The following CASP5 variants were observed in gnomAD, a reference collection of about 807,000 sequenced individuals.
CASP5 encodes caspase-5.
CASP5 carries 42 observed loss-of-function variants against 45.2 expected under a neutral mutation model. The observed-to-expected ratio is 0.93, with a 90% CI of 0.73 to 1.20. The LOEUF is 1.20. Ranked by LOEUF, CASP5 falls within the 50% of genes most tolerant of loss-of-function variation. CASP5 has a pLI of 0.00. For synonymous variants in CASP5, 209 were observed against 186.2 expected (o/e 1.12, Z -1.00); for missense variants, 512 against 532.2 (o/e 0.96, Z 0.37).
chr11:105,021,470 AC>A (rs1862957514), intron 1 of CASP5, among the ~76,000 whole-genome samples: 1 of 149,620 alleles, frequency 6.7e-6, no homozygotes. Context: ...CAAGAAAAAA[AC>A]AAACAACCCC....
chr11:105,000,615 G>C (rs1454856673), intron 5 of CASP5, 120 bp from the exon 6 acceptor site: 26 of 863,640 alleles, frequency 3.0e-5, no homozygotes, highest in Non-Finnish European at 4.5e-5. Context: ...GCTTCACATA[G>C]CGCTTACTCA....
chr11:105,018,980 G>A (rs1273386109), intron 1 of CASP5, among the ~76,000 whole-genome samples: 4 of 149,584 alleles, frequency 2.7e-5, no homozygotes, highest in South Asian at 2.1e-4. Flanking sequence ...GCAATCAAAC[G>A]AGAACTCAGG....
chr11:105,000,521 A>G (rs1332588620), intron 5 of CASP5, 26 bp from the exon 6 acceptor site: 1 of 1,597,946 alleles, frequency 6.3e-7, no homozygotes, highest in South Asian at 1.1e-5. Flanking sequence ...GTCTAACTTC[A>G]GTCAGAGAAG....
rs369855593 is a variant in CASP5 at position 105,020,928 on chromosome 11, C to G, written c.7+2202G>C. Among the ~76,000 whole-genome samples the G allele has an allele frequency of 2.6e-5, 4 of 152,130 alleles. No individual in the cohort carries two copies. In the South Asian group the frequency reaches 8.3e-4, roughly 32 times the overall value. On this transcript the variant is annotated intron_variant, in intron 1 of 9. Transcript: ENST00000260315. ...AAACTATACTACAAAGCTACAGTAA[C>G]CAAAACAGCATGGTACTGGTACCAA...
chr11:105,011,606 A>C (rs1019491876), intron 1 of CASP5, among the ~76,000 whole-genome samples: 6 of 151,808 alleles, frequency 4.0e-5, no homozygotes, highest in Non-Finnish European at 5.9e-5. Context: ...AGTAAAGTTG[A>C]AGGATACAAA....
At chr11:105,015,207 T>G (rs1862528835) in intron 1 of CASP5, among the ~76,000 whole-genome samples, 1 of 152,146 alleles carries the variant, frequency 6.6e-6, no homozygotes, top group Non-Finnish European at 1.5e-5. Context: ...TCAACAGACA[T>G]TAGACCAAAA....
intron 3 of CASP5, 68 bp downstream of exon 3, chr11:105,007,015 G>C: frequency 7.6e-7 from 1 of 1,308,398 alleles, no homozygotes; most frequent in Non-Finnish European, 1.1e-6. Flanking sequence ...AGATAACACT[G>C]CATGGGCCTT....
At chr11:104,997,841 G>A (rs1268249278) in intron 7 of CASP5, among the ~76,000 whole-genome samples, 1 of 152,092 alleles carries the variant, frequency 6.6e-6, no homozygotes, top group Non-Finnish European at 1.5e-5. Flanking sequence ...TCAGAAGGAT[G>A]AATAAACTTT....
At chr11:105,009,714 T>TATACAC (rs1159309192) in intron 1 of CASP5, among the ~76,000 whole-genome samples, 3 of 71,462 alleles carry the variant, frequency 4.2e-5, no homozygotes, top group Non-Finnish European at 8.0e-5. Flanking sequence ...GATATATATA[T>TATACAC]ACACACATAT....
chr11:105,003,233 G>A, intron 4 of CASP5, 41 bp downstream of exon 4: 6 of 1,204,744 alleles, frequency 5.0e-6, no homozygotes, highest in Non-Finnish European at 7.3e-6. Context: ...GAAAGCAATT[G>A]TTTCTCTCTT....
chr11:105,012,499 AG>A lies in CASP5; in HGVS notation c.8-3520del, dbSNP rs1188504196. ...AGTGTGAAGAGATAACCAACAGAAT[AG>A]GAGTAAATATTTGAATCCATATGTC... On this transcript the variant is annotated intron_variant, in intron 1 of 9. Coordinates refer to ENST00000260315, the MANE Select transcript of CASP5 (RefSeq NM_004347.5). 9.9e-5 allele frequency among the ~76,000 whole-genome samples: 15 copies of A among 152,034 alleles called. No individual in the cohort carries two copies. In the East Asian group the frequency reaches 2.9e-3, roughly 29 times the overall value.
chr11:105,001,681 G>A (rs1304095575), intron 5 of CASP5, among the ~76,000 whole-genome samples: 4 of 152,214 alleles, frequency 2.6e-5, no homozygotes, highest in African/African-American at 7.2e-5. Context: ...AATAAAAATA[G>A]AGTGCCCTCC....
At chr11:104,996,718 G>C (rs1487288821) in intron 8 of CASP5, among the ~76,000 whole-genome samples, 1 of 152,050 alleles carries the variant, frequency 6.6e-6, no homozygotes, top group Non-Finnish European at 1.5e-5. Context: ...ATATTAGTGA[G>C]TAAATACAGG....
At chr11:104,997,617 T>G (rs2134689951) in intron 7 of CASP5, 125 bp from the exon 8 acceptor site, 1 of 544,520 alleles carries the variant, frequency 1.8e-6, no homozygotes, top group African/African-American at 1.9e-5. Context: ...TAACCAAACA[T>G]TTACTTAGGT....
intron 1 of CASP5, among the ~76,000 whole-genome samples, chr11:105,009,814 C>CGT (rs1555079490): frequency 1.1e-4 from 10 of 92,172 alleles, no homozygotes; most frequent in African/African-American, 6.0e-4. Flanking sequence ...TATACACACA[C>CGT]ATATATATAT....
At chr11:105,015,264 G>A (rs933172323) in intron 1 of CASP5, among the ~76,000 whole-genome samples, 3 of 152,128 alleles carry the variant, frequency 2.0e-5, no homozygotes, top group Non-Finnish European at 2.9e-5. Context: ...ACTATAAAAT[G>A]GCAATAATAG....
chr11:105,004,857 A>G (rs1400506911), intron 3 of CASP5, among the ~76,000 whole-genome samples: 1 of 152,058 alleles, frequency 6.6e-6, no homozygotes, highest in Non-Finnish European at 1.5e-5. Flanking sequence ...GAAGACATCT[A>G]GGGTCCTGGG....
At position 105,008,925 on chromosome 11, in the gene CASP5, G is replaced by A; in HGVS notation, c.63C>T (p.Ile21=). The change falls in exon 2 of 10, where the codon ATC becomes ATT. Residue 21 remains isoleucine (I), a synonymous_variant. Transcript: ENST00000260315. Reference sequence around the variant, plus strand: ...CGAAGTTATCCAATCCACTCTGAAGGATACCTTTGAACATAGCTTCAAAAT... The same window carrying A: ...CGAAGTTATCCAATCCACTCTGAAGAATACCTTTGAACATAGCTTCAAAAT... ...RKNFEAMFKG[I]LQSGLDNFVI... 6.2e-7 allele frequency: 1 copy of A among 1,612,264 alleles called. No individual in the cohort carries two copies. The highest frequency in any genetic ancestry group is 8.5e-7 in the Non-Finnish European group (1 of 1,179,034).
chr11:105,000,582 A>G (rs537656680), intron 5 of CASP5, 87 bp from the exon 6 acceptor site: 25 of 1,198,780 alleles, frequency 2.1e-5, no homozygotes, highest in South Asian at 3.8e-5. Context: ...AACAAGAAAC[A>G]TATGTAACAT....
Sources: gnomAD v4.1 joint callset for allele counts (sites outside exome capture counted in the v4.1 genomes callset) on GRCh38, gnomAD v4.1.1 for gene constraint, MANE v1.5 for transcripts, NCBI Gene and HGNC (gene_info 2026-07-23, HGNC 2026-07-21) for gene names.